The following ZBTB20 variants were observed in gnomAD, a reference collection of about 807,000 sequenced individuals.
ZBTB20 encodes the protein zinc finger and BTB domain containing 20.
Under a neutral mutation model 56.9 loss-of-function variants are expected in ZBTB20, and 9 were observed. The observed-to-expected ratio is 0.16, with a 90% CI of 0.10 to 0.28. The LOEUF is 0.28. ZBTB20 is among the 10% of genes least tolerant of loss of function. The pLI, the probability that ZBTB20 is intolerant of heterozygous loss-of-function variation, is 1.00. For synonymous variants in ZBTB20, 417 were observed against 420.7 expected (o/e 0.99, Z 0.11); for missense variants, 655 against 1,003.0 (o/e 0.65, Z 4.69).
chr3:114,756,860 A>G (rs2068043867), intron 5 of ZBTB20, among the ~76,000 whole-genome samples: 1 of 152,166 alleles, frequency 6.6e-6, no homozygotes, highest in African/African-American at 2.4e-5. Context: ...AAATATTACT[A>G]TGCTTGGGAC....
At chr3:114,439,649 A>G (rs1216939948) in intron 7 of ZBTB20, among the ~76,000 whole-genome samples, 2 of 152,176 alleles carry the variant, frequency 1.3e-5, no homozygotes, top group African/African-American at 4.8e-5. Context: ...CTCTTTTCCA[A>G]TGACCTTAGG....
chr3:114,576,205 TTAA>T (rs1187098046), intron 6 of ZBTB20, among the ~76,000 whole-genome samples: 8 of 151,978 alleles, frequency 5.3e-5, no homozygotes, highest in Non-Finnish European at 8.8e-5. Flanking sequence ...AAAATAAAAA[TTAA>T]TAATAATTTA....
intron 7 of ZBTB20, among the ~76,000 whole-genome samples, chr3:114,493,384 G>A (rs2042945402): frequency 6.6e-6 from 1 of 152,104 alleles, no homozygotes; most frequent in African/African-American, 2.4e-5. Context: ...CCATCTCTCT[G>A]GGATAAATGC....
intron 2 of ZBTB20, among the ~76,000 whole-genome samples, chr3:115,061,762 C>G (rs2082019605): frequency 6.6e-6 from 1 of 152,084 alleles, no homozygotes; most frequent in African/African-American, 2.4e-5. Flanking sequence ...TTTTCACAAA[C>G]AGCTGAAACT....
At chr3:114,376,580 A>G (rs2108496642) in intron 10 of ZBTB20, among the ~76,000 whole-genome samples, 1 of 152,336 alleles carries the variant, frequency 6.6e-6, no homozygotes, top group South Asian at 2.1e-4. Context: ...GTGGATGGCA[A>G]GAGTTGGAAA....
At chr3:115,133,887 T>C (rs1455599716) in intron 1 of ZBTB20, among the ~76,000 whole-genome samples, 1 of 152,250 alleles carries the variant, frequency 6.6e-6, no homozygotes, top group Non-Finnish European at 1.5e-5. Flanking sequence ...CTCTTGAGTA[T>C]ATACCTCAGA....
chr3:114,787,168 G>C (rs1347896376), intron 5 of ZBTB20, among the ~76,000 whole-genome samples: 1 of 151,104 alleles, frequency 6.6e-6, no homozygotes, highest in Non-Finnish European at 1.5e-5. Flanking sequence ...CTTAGAGACA[G>C]GGTCTCCCTG....
In ZBTB20 at chr3:114,673,745, A is replaced by G. The variant is rs543907760; in HGVS notation, c.-295+19783T>C. Among the ~76,000 whole-genome samples the G allele has an allele frequency of 4.6e-5, 7 of 152,270 alleles. No individual in the cohort carries two copies. The East Asian group carries it at 1.3e-3, about 29-fold the overall frequency. On this transcript the variant is annotated intron_variant, in intron 6 of 11. Transcript: ENST00000675478. ...TTGGTCTTTTATTTGTAGGGAAAAT[A>G]TCTCATCAGTGCAACATCTAAAATT...
intron 3 of ZBTB20, among the ~76,000 whole-genome samples, chr3:114,941,105 A>T (rs1247797260): frequency 6.8e-6 from 1 of 146,534 alleles, no homozygotes; most frequent in Non-Finnish European, 1.5e-5. Flanking sequence ...ATCACCTGGA[A>T]AACTAGAGAA....
intron 5 of ZBTB20, among the ~76,000 whole-genome samples, chr3:114,733,040 T>C (rs1055068975): frequency 6.6e-6 from 1 of 152,096 alleles, no homozygotes; most frequent in Admixed American, 6.6e-5. Flanking sequence ...CAACAGACAC[T>C]GAAGAGGAGG....
At chr3:114,783,626 T>C (rs925677690) in intron 5 of ZBTB20, among the ~76,000 whole-genome samples, 4 of 151,866 alleles carry the variant, frequency 2.6e-5, no homozygotes, top group African/African-American at 9.7e-5. Context: ...AAACCCCGTA[T>C]CTACTAAAAA....
intron 4 of ZBTB20, among the ~76,000 whole-genome samples, chr3:114,866,098 G>A (rs1011859053): frequency 6.6e-6 from 1 of 152,102 alleles, no homozygotes; most frequent in African/African-American, 2.4e-5. Flanking sequence ...ACATGACCTT[G>A]GGCAAAGATC....
At chr3:115,049,687 G>T (rs1470470954) in intron 2 of ZBTB20, among the ~76,000 whole-genome samples, 1 of 152,070 alleles carries the variant, frequency 6.6e-6, no homozygotes, top group Non-Finnish European at 1.5e-5. Context: ...TGTTCAACTG[G>T]TATAAGGCAA....
At chr3:115,041,761 T>C (rs1057280849) in intron 2 of ZBTB20, among the ~76,000 whole-genome samples, 1 of 152,148 alleles carries the variant, frequency 6.6e-6, no homozygotes, top group Non-Finnish European at 1.5e-5. Context: ...CAAATAACTA[T>C]AAATTCCCTA....
intron 6 of ZBTB20, among the ~76,000 whole-genome samples, chr3:114,670,253 G>A (rs987964695): frequency 6.6e-6 from 1 of 151,870 alleles, no homozygotes; most frequent in East Asian, 1.9e-4. Context: ...TGAGGGCTTC[G>A]CAAAAGTTGA....
intron 6 of ZBTB20, among the ~76,000 whole-genome samples, chr3:114,653,118 C>A (rs1376231326): frequency 6.6e-6 from 1 of 151,816 alleles, no homozygotes; most frequent in African/African-American, 2.4e-5. Context: ...TATGCTTATA[C>A]CTTTAATTTA....
chr3:114,655,240 TCC>T (rs199584986), intron 6 of ZBTB20, among the ~76,000 whole-genome samples: 2,749 of 134,532 alleles, frequency 0.02, 148 homozygotes, highest in African/African-American at 0.083. Flanking sequence ...TGTTTTCCTT[TCC>T]TTTTTTTTTT....
At chr3:114,979,041 G>A (rs1201577862) in intron 2 of ZBTB20, among the ~76,000 whole-genome samples, 1 of 151,638 alleles carries the variant, frequency 6.6e-6, no homozygotes, top group African/African-American at 2.4e-5. Context: ...CGTGAGGAAG[G>A]GAAGAGAACA....
chr3:114,644,968 A>G (rs1036379730), intron 6 of ZBTB20, among the ~76,000 whole-genome samples: 21 of 152,084 alleles, frequency 1.4e-4, no homozygotes, highest in African/African-American at 4.3e-4. Flanking sequence ...CCTAAGGATA[A>G]TGTATAGTCC....
Sources: allele counts gnomAD v4.1 joint callset (sites outside exome capture counted in the v4.1 genomes callset), GRCh38; gene constraint gnomAD v4.1.1; transcripts MANE v1.5; gene names NCBI Gene and HGNC (gene_info 2026-07-23, HGNC 2026-07-21).